Variants in SEMA3A observed in about 807,000 individuals in gnomAD.
SEMA3A encodes the protein semaphorin 3A.
SEMA3A carries 29 observed loss-of-function variants against 97.9 expected under a neutral mutation model. The ratio of observed to expected loss-of-function variants is 0.30; its 90% CI spans 0.22 to 0.40. The LOEUF is 0.40. Among genes scored for constraint, SEMA3A ranks in the 10% least tolerant of loss-of-function variants. The probability of loss-of-function intolerance (pLI) is 1.00; values close to 1 mark genes in which losing one functional copy is unlikely to be tolerated. For synonymous variants in SEMA3A, 321 were observed against 323.7 expected (o/e 0.99, Z 0.09); for missense variants, 763 against 951.3 (o/e 0.80, Z 2.60).
chr7:84,472,324 T>A (rs1388497997), intron 1 of SEMA3A, among the ~76,000 whole-genome samples: 1 of 152,152 alleles, frequency 6.6e-6, no homozygotes, highest in Non-Finnish European at 1.5e-5. Context: ...GACTTTGGTC[T>A]TTCATGGGAT....
At chr7:84,099,065 C>CT (rs754026184) in intron 4 of SEMA3A, among the ~76,000 whole-genome samples, 8,152 of 92,222 alleles carry the variant, frequency 0.088, 2,087 homozygotes, top group African/African-American at 0.23. Context: ...ATTACATTTT[C>CT]TTTTTTTTTC....
intron 3 of SEMA3A, among the ~76,000 whole-genome samples, chr7:84,272,656 T>G (rs1800180573): frequency 6.6e-6 from 1 of 152,028 alleles, no homozygotes; most frequent in African/African-American, 2.4e-5. Context: ...TAAATGAGAC[T>G]AGATTACAAA....
chr7:83,980,350 C>A (rs890758816), intron 14 of SEMA3A, among the ~76,000 whole-genome samples: 3 of 151,590 alleles, frequency 2.0e-5, no homozygotes, highest in Non-Finnish European at 4.4e-5. Flanking sequence ...CGACTGTAAT[C>A]CCTGTAATCC....
At chr7:84,357,496 T>C (rs1440620046) in intron 2 of SEMA3A, among the ~76,000 whole-genome samples, 1 of 152,148 alleles carries the variant, frequency 6.6e-6, no homozygotes, top group Non-Finnish European at 1.5e-5. Context: ...TAGTATTCCA[T>C]TGTGTATATG....
At chr7:84,277,180 A>G (rs1800322536) in intron 3 of SEMA3A, among the ~76,000 whole-genome samples, 1 of 152,086 alleles carries the variant, frequency 6.6e-6, no homozygotes, top group Non-Finnish European at 1.5e-5. Context: ...AGCAATAACA[A>G]AGGCCTTTTA....
chr7:84,256,735 T>TGG (rs1210959026), intron 3 of SEMA3A, among the ~76,000 whole-genome samples: 1 of 152,088 alleles, frequency 6.6e-6, no homozygotes, highest in Non-Finnish European at 1.5e-5. Flanking sequence ...AGACGACATA[T>TGG]GGTTAACATC....
chr7:83,999,035 A>G (rs962481188), intron 12 of SEMA3A, among the ~76,000 whole-genome samples: 1 of 152,182 alleles, frequency 6.6e-6, no homozygotes, highest in African/African-American at 2.4e-5. Flanking sequence ...AGGATGTTTT[A>G]TAAGTAATTT....
Position 84,209,300 on chromosome 7 carries a change from G to A in SEMA3A, c.-82-14632C>T, listed in dbSNP as rs41456548. The stretch of plus-strand genomic sequence containing the variant: ...ATCATTTAATCACTCCATGTAGTAG[G>A]CTGTGTATGTGTGTATGTTTGTGCA... On this transcript the variant is annotated intron_variant, in intron 3 of 3. Transcript: ENST00000424555. Among the ~76,000 whole-genome samples, 1,882 of 152,224 alleles carry A rather than the reference G, an allele frequency of 0.012. 68 individuals carry two copies. In the East Asian group the frequency reaches 0.15, roughly 12 times the overall value.
At chr7:84,215,583 C>G (rs909365897) in intron 3 of SEMA3A, among the ~76,000 whole-genome samples, 3 of 152,254 alleles carry the variant, frequency 2.0e-5, no homozygotes, top group Non-Finnish European at 2.9e-5. Context: ...TCTATTTTAA[C>G]CCACAGCCCT....
At chr7:84,111,987 C>A (rs1795287771) in intron 3 of SEMA3A, among the ~76,000 whole-genome samples, 1 of 152,102 alleles carries the variant, frequency 6.6e-6, no homozygotes, top group Non-Finnish European at 1.5e-5. Flanking sequence ...AAGAGTCTCT[C>A]CTCCTTCCCC....
intron 2 of SEMA3A, among the ~76,000 whole-genome samples, chr7:84,313,373 T>C (rs1237758192): frequency 9.0e-5 from 4 of 44,424 alleles, no homozygotes; most frequent in Admixed American, 8.5e-4. Flanking sequence ...TATATATATA[T>C]ATATATATAT....
At chr7:83,998,799 A>G (rs1167600743) in intron 12 of SEMA3A, among the ~76,000 whole-genome samples, 1 of 152,090 alleles carries the variant, frequency 6.6e-6, no homozygotes, top group East Asian at 1.9e-4. Context: ...TTCACTTTTT[A>G]AACTCCTTTT....
intron 1 of SEMA3A, among the ~76,000 whole-genome samples, 165 bp from the exon 2 acceptor site, chr7:84,135,116 CTT>C (rs34940395): frequency 0.01 from 1,403 of 133,714 alleles, 21 homozygotes; most frequent in African/African-American, 0.032. Context: ...GTGCATTTTA[CTT>C]TTTTTTTTTT....
chr7:84,031,828 C>T (rs542797580), intron 6 of SEMA3A, among the ~76,000 whole-genome samples: 2 of 151,974 alleles, frequency 1.3e-5, no homozygotes, highest in African/African-American at 4.8e-5. Flanking sequence ...AAGAGTGAAA[C>T]TCCATCTCAA....
chr7:84,197,216 AT>A (rs1798252956), upstream of SEMA3A, among the ~76,000 whole-genome samples: 2 of 152,148 alleles, frequency 1.3e-5, no homozygotes. Context: ...CTATGATATG[AT>A]TATTTATATT....
At chr7:84,204,970 T>C (rs889979245) in intron 3 of SEMA3A, among the ~76,000 whole-genome samples, 11 of 152,196 alleles carry the variant, frequency 7.2e-5, no homozygotes, top group African/African-American at 1.9e-4. Flanking sequence ...AAGAATCGTA[T>C]CTTTTATGGT....
chr7:84,189,747 T>G (rs1178382670), intron 1 of SEMA3A, among the ~76,000 whole-genome samples: 2 of 151,664 alleles, frequency 1.3e-5, no homozygotes, highest in African/African-American at 4.8e-5. Context: ...GCAATCATAT[T>G]AATTAACTCT....
chr7:84,039,351 G>C (rs1351179474), intron 6 of SEMA3A, among the ~76,000 whole-genome samples: 2 of 152,068 alleles, frequency 1.3e-5, no homozygotes, highest in African/African-American at 2.4e-5. Context: ...ATTAACTTTA[G>C]GGCCCATGAA....
intron 1 of SEMA3A, among the ~76,000 whole-genome samples, chr7:84,471,570 G>A (rs1806150268): frequency 6.6e-6 from 1 of 152,030 alleles, no homozygotes; most frequent in Non-Finnish European, 1.5e-5. Flanking sequence ...GCAAACCTTA[G>A]ATTTGTGAGA....
Sources: allele counts gnomAD v4.1 joint callset (sites outside exome capture counted in the v4.1 genomes callset), GRCh38; gene constraint gnomAD v4.1.1; transcripts MANE v1.5; gene names NCBI Gene and HGNC (gene_info 2026-07-23, HGNC 2026-07-21).